Variants in RBBP8 observed in about 807,000 individuals in gnomAD.
RBBP8 encodes DNA endonuclease RBBP8.
RBBP8 carries 88 observed loss-of-function variants against 108.3 expected under a neutral mutation model. The observed-to-expected ratio is 0.81, with a 90% CI of 0.68 to 0.97. The LOEUF (loss-of-function observed/expected upper bound fraction) is 0.97. Ranked by LOEUF, RBBP8 falls within the 50% of genes least tolerant of loss-of-function variation. RBBP8 has a pLI of 0.00. For synonymous variants in RBBP8, 332 were observed against 348.2 expected (o/e 0.95, Z 0.52); for missense variants, 1,023 against 1,049.0 (o/e 0.98, Z 0.34).
intron 4 of RBBP8, 78 bp from the exon 5 acceptor site, chr18:22,968,728 A>G: frequency 8.4e-7 from 1 of 1,197,284 alleles, no homozygotes; most frequent in Non-Finnish European, 1.2e-6. Context: ...CAGTTCCTTA[A>G]ATCTTTATAA....
intron 3 of RBBP8, among the ~76,000 whole-genome samples, chr18:22,919,452 G>C (rs745564521): frequency 6.6e-6 from 1 of 152,188 alleles, no homozygotes; most frequent in Non-Finnish European, 1.5e-5. Context: ...TTAAGTCCAC[G>C]ATAAAAGAAT....
intron 2 of RBBP8, among the ~76,000 whole-genome samples, chr18:22,944,580 T>C (rs1367880270): frequency 6.6e-6 from 1 of 152,218 alleles, no homozygotes; most frequent in Non-Finnish European, 1.5e-5. Flanking sequence ...GTTTCTAATG[T>C]TTGGCTAAGA....
intron 10 of RBBP8, 61 bp from the exon 11 acceptor site, chr18:22,992,687 G>A: frequency 7.0e-7 from 1 of 1,436,292 alleles, no homozygotes; most frequent in Non-Finnish European, 9.7e-7. Flanking sequence ...TTGCTTCTAA[G>A]AGGTAGATAA....
chr18:23,007,901 C>T (rs2144777397), intron 16 of RBBP8, among the ~76,000 whole-genome samples: 1 of 151,652 alleles, frequency 6.6e-6, no homozygotes, highest in South Asian at 2.1e-4. Context: ...CAACCTCTGC[C>T]TCCTGGGTTC....
At chr18:22,994,014 C>CTTTTTTTTTTTTTTTTTTTTTTTT (rs777055614) in intron 12 of RBBP8, among the ~76,000 whole-genome samples, 167 bp downstream of exon 12, 2 of 75,104 alleles carry the variant, frequency 2.7e-5, no homozygotes, top group Non-Finnish European at 4.5e-5. Context: ...TTTTTCTGTT[C>CTTTTTTTTTTTTTTTTTTTTTTTT]TTTTTTTTTT....
At chr18:22,921,734 G>A (rs909951004) in intron 3 of RBBP8, among the ~76,000 whole-genome samples, 1 of 152,190 alleles carries the variant, frequency 6.6e-6, no homozygotes, top group African/African-American at 2.4e-5. Context: ...GAGATGCACT[G>A]AAACTTGATC....
chr18:22,974,230 T>C (rs1238028882), intron 5 of RBBP8, among the ~76,000 whole-genome samples: 1 of 152,232 alleles, frequency 6.6e-6, no homozygotes, highest in Non-Finnish European at 1.5e-5. Flanking sequence ...AGTTTTATGC[T>C]GGTTCCAGTA....
chr18:22,985,000 A>T lies in RBBP8; in HGVS notation c.709+10A>T, dbSNP rs774977975. The T allele has an allele frequency of 1.9e-6, 3 of 1,610,054 alleles. No individual in the cohort carries two copies. The highest frequency in any genetic ancestry group is 2.5e-6 in the Non-Finnish European group (3 of 1,177,260). On this transcript the variant is annotated intron_variant, in intron 8 of 18. Coordinates refer to ENST00000327155, the MANE Select transcript of RBBP8 (RefSeq NM_002894.3). ...CAATCTCCAATGGCCAGTAAGCAAG[A>T]TACTGAGATTACTTTACAAGTTTAA...
intron 17 of RBBP8, among the ~76,000 whole-genome samples, chr18:23,017,228 A>G (rs1333325773): frequency 6.6e-6 from 1 of 151,780 alleles, no homozygotes. Context: ...GGTGGTGCAC[A>G]CCTGTAATTC....
chr18:22,922,069 C>G (rs182201258), intron 3 of RBBP8, among the ~76,000 whole-genome samples: 3 of 152,074 alleles, frequency 2.0e-5, no homozygotes, highest in African/African-American at 7.2e-5. Flanking sequence ...TAATGTGATC[C>G]TGAGGCTTGG....
intron 17 of RBBP8, among the ~76,000 whole-genome samples, chr18:23,018,111 G>A (rs1371051353): frequency 6.6e-6 from 1 of 151,948 alleles, no homozygotes; most frequent in Non-Finnish European, 1.5e-5. Flanking sequence ...GAGCACAATA[G>A]TGCAATCTCA....
chr18:22,994,850 T>G (rs2045826380), intron 12 of RBBP8, among the ~76,000 whole-genome samples: 2 of 151,658 alleles, frequency 1.3e-5, no homozygotes, highest in Non-Finnish European at 2.9e-5. Flanking sequence ...CTCAGCCCCC[T>G]GGATAGCTGG....
intron 6 of RBBP8, among the ~76,000 whole-genome samples, chr18:22,975,664 C>T (rs1480685927): frequency 1.3e-5 from 2 of 151,810 alleles, no homozygotes; most frequent in African/African-American, 2.4e-5. Flanking sequence ...AAACCAGTAA[C>T]TTTTATCTTG....
chr18:22,959,419 G>C (rs936940942), intron 4 of RBBP8, among the ~76,000 whole-genome samples: 2 of 151,792 alleles, frequency 1.3e-5, no homozygotes, highest in Admixed American at 1.3e-4. Context: ...GTGATGCTCT[G>C]TGTGTGTGTG....
intron 15 of RBBP8, among the ~76,000 whole-genome samples, chr18:23,002,196 C>A (rs2045960390): frequency 6.6e-6 from 1 of 152,158 alleles, no homozygotes; most frequent in Non-Finnish European, 1.5e-5. Flanking sequence ...AGACAGATTG[C>A]TTGAGCTCAG....
chr18:22,992,503 A>AT (rs1215395523), intron 10 of RBBP8, among the ~76,000 whole-genome samples: 4 of 152,152 alleles, frequency 2.6e-5, no homozygotes, highest in Non-Finnish European at 4.4e-5. Flanking sequence ...GCAAAAGATG[A>AT]TTTTTTGTAT....
At position 22,993,645 on chromosome 18, in the gene RBBP8, T is replaced by C; in HGVS notation, c.1812+6T>C. ...ATGTTTTAGATGACATAAAGGTTTGTGTTAAATGTTCAAGGATTTTGATTA... is the reference window on the plus strand; with the variant it reads ...ATGTTTTAGATGACATAAAGGTTTGCGTTAAATGTTCAAGGATTTTGATTA... On this transcript the variant is annotated splice_donor_region_variant and intron_variant, in intron 11 of 18. Transcript: ENST00000327155. 1 of 1,614,278 alleles carries C rather than the reference T, an allele frequency of 6.2e-7. No individual in the cohort carries two copies. Among genetic ancestry groups the C allele is most frequent in the Non-Finnish European group, 8.5e-7 (1 of 1,180,050 alleles).
At chr18:22,937,788 ATTATTTATTTAT>A (rs1012550095) in intron 2 of RBBP8, among the ~76,000 whole-genome samples, 1 of 141,808 alleles carries the variant, frequency 7.1e-6, no homozygotes, top group Non-Finnish European at 1.5e-5. Flanking sequence ...CAAAGATCTC[ATTATTTATTTAT>A]TTATTTATAT....
At chr18:22,940,489 T>G (rs1910991006) in intron 2 of RBBP8, among the ~76,000 whole-genome samples, 2 of 151,496 alleles carry the variant, frequency 1.3e-5, no homozygotes, top group Non-Finnish European at 2.9e-5. Context: ...CCCGGCTAAT[T>G]TTTTGTATTT....
Sources: gnomAD v4.1 joint callset for allele counts (sites outside exome capture counted in the v4.1 genomes callset) on GRCh38, gnomAD v4.1.1 for gene constraint, MANE v1.5 for transcripts, NCBI Gene and HGNC (gene_info 2026-07-23, HGNC 2026-07-21) for gene names.